TNFRSF19: variants seen among roughly 807,000 people sequenced by gnomAD.
TNFRSF19 encodes tumor necrosis factor receptor superfamily member 19.
TNFRSF19 carries 27 observed loss-of-function variants against 46.4 expected under a neutral mutation model. That is an observed-to-expected ratio of 0.58 (90% CI 0.43 to 0.80). The LOEUF (loss-of-function observed/expected upper bound fraction) is 0.80, where lower values mean the gene tolerates loss of function less well. Among genes scored for constraint, TNFRSF19 ranks in the 30% least tolerant of loss-of-function variants. The pLI is 0.00. For synonymous variants in TNFRSF19, 204 were observed against 205.0 expected (o/e 1.00, Z 0.04); for missense variants, 511 against 530.8 (o/e 0.96, Z 0.37).
chr13:23,662,541 T>C (rs1268332374), intron 7 of TNFRSF19, among the ~76,000 whole-genome samples: 1 of 152,214 alleles, frequency 6.6e-6, no homozygotes. Context: ...AATTTTAAAA[T>C]AGGTTTTTCC....
chr13:23,589,217 T>C (rs1275965774), intron 1 of TNFRSF19, among the ~76,000 whole-genome samples: 1 of 152,224 alleles, frequency 6.6e-6, no homozygotes, highest in African/African-American at 2.4e-5. Context: ...CTTTTTGATC[T>C]CTTCTCTGGA....
intron 3 of TNFRSF19, among the ~76,000 whole-genome samples, chr13:23,603,260 C>A (rs1182857498): frequency 6.6e-6 from 1 of 152,042 alleles, no homozygotes; most frequent in African/African-American, 2.4e-5. Context: ...AAGACGCAGT[C>A]TGACAAAGCT....
At chr13:23,666,434 C>T (rs1321254085) in intron 7 of TNFRSF19, among the ~76,000 whole-genome samples, 1 of 152,124 alleles carries the variant, frequency 6.6e-6, no homozygotes, top group Non-Finnish European at 1.5e-5. Flanking sequence ...TATTTATATA[C>T]CTTAGTTAGT....
In TNFRSF19 at chr13:23,647,206, A is replaced by G. The variant is rs151115120; in HGVS notation, c.446-11844A>G. ...ATCCTTACCAGATGTATGAAATGCT[A>G]ATATTTTCTTCTGCTCTGTGGGCTG... On this transcript the variant is annotated intron_variant, in intron 5 of 9. Coordinates refer to ENST00000248484, the MANE Select transcript of TNFRSF19 (RefSeq NM_148957.4). Among the ~76,000 whole-genome samples, 963 of 152,252 alleles carry G rather than the reference A, an allele frequency of 6.3e-3. 6 individuals are homozygous for G. Among genetic ancestry groups the G allele is most frequent in the South Asian group, 0.039 (188 of 4,818 alleles).
At chr13:23,673,199 A>G (rs1186566428) in intron 9 of TNFRSF19, among the ~76,000 whole-genome samples, 173 bp from the exon 10 acceptor site, 1 of 152,222 alleles carries the variant, frequency 6.6e-6, no homozygotes, top group African/African-American at 2.4e-5. Flanking sequence ...CTGAGATTAC[A>G]TGGGTAGCTG....
At chr13:23,646,603 G>T (rs1022782681) in intron 5 of TNFRSF19, among the ~76,000 whole-genome samples, 2 of 152,130 alleles carry the variant, frequency 1.3e-5, no homozygotes, top group Non-Finnish European at 2.9e-5. Context: ...TCATTTTGTG[G>T]TATGTATCAA....
At position 23,669,021 on chromosome 13, in the gene TNFRSF19, A is replaced by G. The variant is rs144227429; in HGVS notation, c.1169A>G (p.Asp390Gly). 50 of 1,614,094 alleles carry G rather than the reference A, an allele frequency of 3.1e-5. No individual in the cohort carries two copies. The highest frequency in any genetic ancestry group is 3.3e-4 in the Middle Eastern group (2 of 6,084). ...CTGGTAGAATCAGCATCAACTCAGGATGCACTAACTATGAGAAGCCAGCTA... is the reference window on the plus strand; with the variant it reads ...CTGGTAGAATCAGCATCAACTCAGGGTGCACTAACTATGAGAAGCCAGCTA... ...NTLVESASTQ[D>G]ALTMRSQLDQ... Residue 390 changes from aspartate to glycine, a missense_variant, in exon 9 of 10, where the codon GAT (aspartate) becomes GGT (glycine). Asp to Gly is a moderately conservative substitution (Grantham distance 94). This residue lies in a region of TNFRSF19 where 376 missense variants were observed against 372.7 expected (regional missense o/e 1.01). Coordinates refer to ENST00000248484, the MANE Select transcript of TNFRSF19 (RefSeq NM_148957.4).
chr13:23,643,810 G>C (rs1394198551), intron 5 of TNFRSF19, among the ~76,000 whole-genome samples: 1 of 152,186 alleles, frequency 6.6e-6, no homozygotes, highest in Non-Finnish European at 1.5e-5. Context: ...TGCCCCAGTT[G>C]AGATCCCATC....
chr13:23,656,429 G>A (rs9580710), intron 5 of TNFRSF19, among the ~76,000 whole-genome samples: 1,663 of 152,220 alleles, frequency 0.011, 28 homozygotes, highest in African/African-American at 0.038. Flanking sequence ...ATAAGTTGAC[G>A]AATGTATTAT....
At chr13:23,592,109 G>C (rs1246239912) in intron 2 of TNFRSF19, among the ~76,000 whole-genome samples, 2 of 152,088 alleles carry the variant, frequency 1.3e-5, no homozygotes, top group Non-Finnish European at 2.9e-5. Context: ...ACCTTAAAGA[G>C]GTTGTTAGAT....
chr13:23,572,908 A>G (rs1407601461), intron 1 of TNFRSF19, among the ~76,000 whole-genome samples: 2 of 152,208 alleles, frequency 1.3e-5, no homozygotes, highest in Non-Finnish European at 2.9e-5. Context: ...CTTTGTTACT[A>G]CAGAAAGTCC....
intron 5 of TNFRSF19, 79 bp downstream of exon 5, chr13:23,626,871 C>A: frequency 1.4e-6 from 2 of 1,420,200 alleles, no homozygotes; most frequent in Non-Finnish European, 1.9e-6. Context: ...CGTTTCTTCT[C>A]TGGCAGATGG....
chr13:23,582,891 A>G (rs1457557033), intron 1 of TNFRSF19, among the ~76,000 whole-genome samples: 2 of 152,250 alleles, frequency 1.3e-5, no homozygotes, highest in Non-Finnish European at 2.9e-5. Context: ...TATTACAGGT[A>G]TCAAAAGTTA....
At chr13:23,637,476 C>G (rs556839078) in intron 5 of TNFRSF19, among the ~76,000 whole-genome samples, 1 of 152,354 alleles carries the variant, frequency 6.6e-6, no homozygotes, top group South Asian at 2.1e-4. Flanking sequence ...GAAAAACATT[C>G]TCTTTCTAAC....
chr13:23,602,173 G>C (rs1880206342), intron 3 of TNFRSF19, among the ~76,000 whole-genome samples: 1 of 152,124 alleles, frequency 6.6e-6, no homozygotes, highest in Non-Finnish European at 1.5e-5. Flanking sequence ...AGTGGATGGA[G>C]AAATATATAC....
intron 7 of TNFRSF19, among the ~76,000 whole-genome samples, chr13:23,665,288 G>A (rs1307595102): frequency 6.6e-6 from 1 of 152,082 alleles, no homozygotes; most frequent in Admixed American, 6.5e-5. Flanking sequence ...GTAATAAAAG[G>A]CAGTTTGTAT....
intron 9 of TNFRSF19, among the ~76,000 whole-genome samples, chr13:23,670,496 G>T (rs2138421889): frequency 6.6e-6 from 1 of 152,312 alleles, no homozygotes; most frequent in African/African-American, 2.4e-5. Flanking sequence ...CACATACAAA[G>T]TATCTACCTC....
chr13:23,606,345 A>G (rs1261484225), intron 3 of TNFRSF19, among the ~76,000 whole-genome samples: 2 of 104,584 alleles, frequency 1.9e-5, no homozygotes, highest in Non-Finnish European at 4.1e-5. Flanking sequence ...CTGTTCCCAT[A>G]TTTATAATTT....
chr13:23,586,115 G>A lies in TNFRSF19; in HGVS notation c.-34-4035G>A, dbSNP rs535874806. Among the ~76,000 whole-genome samples, 879 of 152,074 alleles carry A rather than the reference G, an allele frequency of 5.8e-3. 12 individuals are homozygous for A. The highest frequency in any genetic ancestry group is 0.02 in the African/African-American group (810 of 41,504). Reference sequence around the variant, plus strand: ...CTACTAAAAATACAAAAAATTATCCGGGCGCAGTGGCGGGCACCTGTAGTC... The same window carrying A: ...CTACTAAAAATACAAAAAATTATCCAGGCGCAGTGGCGGGCACCTGTAGTC... On this transcript the variant is annotated intron_variant, in intron 1 of 9. Coordinates refer to ENST00000248484, the MANE Select transcript of TNFRSF19 (RefSeq NM_148957.4).
Sources: gnomAD v4.1 joint callset for allele counts (sites outside exome capture counted in the v4.1 genomes callset) on GRCh38, gnomAD v4.1.1 for gene constraint, gnomAD v4.1.1 regional missense constraint, MANE v1.5 for transcripts, NCBI Gene and HGNC (gene_info 2026-07-23, HGNC 2026-07-21) for gene names.